RANBP2: variants seen among roughly 807,000 people sequenced by gnomAD.
RANBP2 encodes RAN binding protein 2, also known as E3 SUMO-protein ligase RanBP2.
RANBP2 carries 57 observed loss-of-function variants against 303.6 expected under a neutral mutation model. The ratio of observed to expected loss-of-function variants is 0.19; its 90% CI spans 0.15 to 0.23. The LOEUF is 0.23. RANBP2 is among the 10% of genes least tolerant of loss of function. RANBP2 has a pLI of 1.00. For missense variants in RANBP2, 3,138 were observed against 3,780.8 expected (o/e 0.83, Z 4.46); for synonymous variants, 1,167 against 1,301.5 (o/e 0.90, Z 2.23).
At chr2:109,371,379 G>C in the RANBP2 span, among the ~76,000 whole-genome samples, 1 of 152,232 alleles carries the variant, frequency 6.6e-6, no homozygotes, top group East Asian at 1.9e-4. Flanking sequence ...GGCAGAGCGA[G>C]ACTCCGCCCC....
chr2:109,018,403 CA>C, the RANBP2 span, among the ~76,000 whole-genome samples: 1 of 149,438 alleles, frequency 6.7e-6, no homozygotes, highest in Non-Finnish European at 1.5e-5. Context: ...CTGTGGCCCC[CA>C]ATCTACACCC....
Position 108,783,847 on chromosome 2 carries a change from T to C in RANBP2, c.9621T>C (p.Ser3207=). Residue 3207 remains serine (S), a synonymous_variant, in exon 29 of 29, where the codon TCT becomes TCC. Coordinates refer to ENST00000283195, the MANE Select transcript of RANBP2 (RefSeq NM_006267.5). ...DTVKKIESFG[S]PKGSVCRRIT... ...TGAAAAAGATTGAATCATTTGGTTC[T>C]CCCAAAGGGTCTGTTTGTCGAAGAA... 1.9e-6 allele frequency: 3 copies of C among 1,613,352 alleles called. No homozygotes were observed. Among genetic ancestry groups the C allele is most frequent in the Non-Finnish European group, 2.5e-6 (3 of 1,179,376 alleles).
chr2:109,587,736 AC>A, the RANBP2 span, among the ~76,000 whole-genome samples: 1 of 152,022 alleles, frequency 6.6e-6, no homozygotes, highest in Non-Finnish European at 1.5e-5. Flanking sequence ...ACACGGTGAA[AC>A]CCTGTGTCTA....
chr2:109,061,007 G>A, the RANBP2 span, among the ~76,000 whole-genome samples: 94 of 152,132 alleles, frequency 6.2e-4, 2 homozygotes, highest in African/African-American at 2.2e-3. Flanking sequence ...TCTAGTAAGC[G>A]CTTCAAACTT....
the RANBP2 span, among the ~76,000 whole-genome samples, chr2:108,964,898 C>G: frequency 1.3e-5 from 2 of 152,096 alleles, no homozygotes; most frequent in African/African-American, 4.8e-5. Flanking sequence ...AATAACAGCA[C>G]GTCTGGAATA....
chr2:108,854,348 G>A, the RANBP2 span, among the ~76,000 whole-genome samples: 4 of 151,610 alleles, frequency 2.6e-5, no homozygotes, highest in Admixed American at 1.3e-4. Context: ...ACTAAGGTTT[G>A]AATCTTAGCT....
At chr2:109,556,623 T>G in the RANBP2 span, among the ~76,000 whole-genome samples, 1 of 152,168 alleles carries the variant, frequency 6.6e-6, no homozygotes, top group Non-Finnish European at 1.5e-5. Flanking sequence ...GGAGGCATTT[T>G]ACTTAGTATC....
chr2:109,383,612 G>C, the RANBP2 span, among the ~76,000 whole-genome samples: 1 of 152,198 alleles, frequency 6.6e-6, no homozygotes, highest in South Asian at 2.1e-4. Flanking sequence ...TGTGTGCCCT[G>C]TGGGGTACTT....
the RANBP2 span, among the ~76,000 whole-genome samples, chr2:109,460,789 C>A: frequency 6.6e-6 from 1 of 152,248 alleles, no homozygotes; most frequent in African/African-American, 2.4e-5. Flanking sequence ...GCCTATGAAT[C>A]ATTAAACAAT....
chr2:109,133,991 A>G, the RANBP2 span, among the ~76,000 whole-genome samples: 1 of 152,110 alleles, frequency 6.6e-6, no homozygotes, highest in Non-Finnish European at 1.5e-5. Context: ...GGAGGCCAGG[A>G]TAGAGGGTGT....
the RANBP2 span, among the ~76,000 whole-genome samples, chr2:109,167,456 C>A: frequency 6.6e-6 from 1 of 152,148 alleles, no homozygotes; most frequent in Non-Finnish European, 1.5e-5. Context: ...TAGAAATAAC[C>A]CCCAGGCTAG....
At chr2:109,287,474 G>A in the RANBP2 span, among the ~76,000 whole-genome samples, 32 of 152,290 alleles carry the variant, frequency 2.1e-4, no homozygotes, top group African/African-American at 7.0e-4. Flanking sequence ...ACCTAAGAGA[G>A]ATACCTCCCT....
chr2:109,681,976 G>A, the RANBP2 span, among the ~76,000 whole-genome samples: 3 of 152,162 alleles, frequency 2.0e-5, no homozygotes, highest in Non-Finnish European at 2.9e-5. Flanking sequence ...CTGTAAACAC[G>A]GGTTCCCAAG....
At chr2:109,319,458 C>A in the RANBP2 span, among the ~76,000 whole-genome samples, 1 of 151,884 alleles carries the variant, frequency 6.6e-6, no homozygotes, top group African/African-American at 2.4e-5. Context: ...ACAAGTGATT[C>A]GTTTTCTTAC....
At chr2:108,864,820 G>T in the RANBP2 span, among the ~76,000 whole-genome samples, 1 of 151,106 alleles carries the variant, frequency 6.6e-6, no homozygotes, top group Admixed American at 6.6e-5. Context: ...AATTAGCTTG[G>T]CATAATGGTG....
At chr2:109,286,528 C>G in the RANBP2 span, among the ~76,000 whole-genome samples, 1 of 152,208 alleles carries the variant, frequency 6.6e-6, no homozygotes, top group Non-Finnish European at 1.5e-5. Context: ...GACCAAGTCA[C>G]TAAAACCCCA....
the RANBP2 span, among the ~76,000 whole-genome samples, chr2:109,161,181 G>A: frequency 1.3e-5 from 2 of 152,154 alleles, no homozygotes; most frequent in Non-Finnish European, 1.5e-5. Flanking sequence ...TGGTTCTTTC[G>A]GAACAATAGT....
chr2:108,911,844 C>T, the RANBP2 span, among the ~76,000 whole-genome samples: 3 of 152,196 alleles, frequency 2.0e-5, no homozygotes, highest in Non-Finnish European at 2.9e-5. Flanking sequence ...CGCATGTGGG[C>T]GCTGAGCCTC....
the RANBP2 span, among the ~76,000 whole-genome samples, chr2:109,574,396 C>T: frequency 7.4e-5 from 10 of 135,976 alleles, no homozygotes; most frequent in Non-Finnish European, 1.4e-4. Context: ...CAGTAAGCCA[C>T]GATCTCACAA....
Sources: allele counts gnomAD v4.1 joint callset (sites outside exome capture counted in the v4.1 genomes callset), GRCh38; gene constraint gnomAD v4.1.1; transcripts MANE v1.5; gene names NCBI Gene and HGNC (gene_info 2026-07-23, HGNC 2026-07-21).